CSGALNACT1: variants seen among roughly 807,000 people sequenced by gnomAD.
CSGALNACT1 encodes beta4GalNAcT-1.
In CSGALNACT1, 52 loss-of-function variants were observed where a neutral mutation model predicts 51.0. The ratio of observed to expected loss-of-function variants is 1.02; its 90% CI spans 0.82 to 1.29. The LOEUF (loss-of-function observed/expected upper bound fraction) is 1.29, where lower values mean the gene tolerates loss of function less well. Ranked by LOEUF, CSGALNACT1 falls within the 50% of genes most tolerant of loss-of-function variation. The pLI is 0.00. For missense variants in CSGALNACT1, 935 were observed against 679.2 expected (o/e 1.38, Z -4.19); for synonymous variants, 341 against 254.4 (o/e 1.34, Z -3.24).
At chr8:19,610,543 A>T (rs1211540912) in intron 1 of CSGALNACT1, among the ~76,000 whole-genome samples, 1 of 152,048 alleles carries the variant, frequency 6.6e-6, no homozygotes, top group East Asian at 1.9e-4. Context: ...CGGTGGAGGA[A>T]CACACAGGCG....
chr8:19,633,503 C>T (rs1432944764), intron 1 of CSGALNACT1, among the ~76,000 whole-genome samples: 3 of 152,180 alleles, frequency 2.0e-5, no homozygotes, highest in Admixed American at 2.0e-4. Flanking sequence ...TGAGATAGGG[C>T]AGGTCCTTAA....
intron 1 of CSGALNACT1, among the ~76,000 whole-genome samples, chr8:19,667,144 G>C (rs543166320): frequency 1.9e-4 from 29 of 151,948 alleles, no homozygotes; most frequent in African/African-American, 6.8e-4. Context: ...ATTTCAGCCA[G>C]GTGCACAGGC....
At chr8:19,532,785 C>G (rs750678859) in intron 3 of CSGALNACT1, among the ~76,000 whole-genome samples, 1 of 152,098 alleles carries the variant, frequency 6.6e-6, no homozygotes, top group Non-Finnish European at 1.5e-5. Context: ...GTACAGAGAG[C>G]GAGGAGTCAC....
chr8:19,439,064 G>GC (rs945077774), intron 6 of CSGALNACT1, among the ~76,000 whole-genome samples: 5 of 152,012 alleles, frequency 3.3e-5, no homozygotes, highest in African/African-American at 9.7e-5. Context: ...TACTCAAATT[G>GC]CCCCCCTGCA....
At chr8:19,626,692 G>T (rs1227806074) in intron 1 of CSGALNACT1, among the ~76,000 whole-genome samples, 1 of 152,220 alleles carries the variant, frequency 6.6e-6, no homozygotes, top group Non-Finnish European at 1.5e-5. Flanking sequence ...CTAAGGACTT[G>T]CTTTCAGTAT....
intron 3 of CSGALNACT1, among the ~76,000 whole-genome samples, chr8:19,558,393 A>G (rs1379538074): frequency 6.6e-6 from 1 of 152,064 alleles, no homozygotes; most frequent in Non-Finnish European, 1.5e-5. Context: ...CCTTCTTAAC[A>G]CTATTTTAGA....
chr8:19,619,253 G>GC (rs1263761017), intron 1 of CSGALNACT1, among the ~76,000 whole-genome samples: 4 of 148,242 alleles, frequency 2.7e-5, no homozygotes, highest in African/African-American at 1.0e-4. Flanking sequence ...AGGGTCGGGG[G>GC]GGGGTGGGCC....
intron 3 of CSGALNACT1, among the ~76,000 whole-genome samples, chr8:19,538,536 C>T (rs889221548): frequency 3.3e-5 from 5 of 151,916 alleles, no homozygotes; most frequent in Non-Finnish European, 7.4e-5. Context: ...TCATGTCGAA[C>T]GCAGGATTAA....
chr8:19,670,645 GAAGACAAAA>G (rs1425126122), intron 1 of CSGALNACT1, among the ~76,000 whole-genome samples: 53 of 15,604 alleles, frequency 3.4e-3, no homozygotes, highest in African/African-American at 0.013. Context: ...ATGCACTACT[GAAGACAAAA>G]AAAAAAAAAA....
exon 1 of CSGALNACT1, chr8:19,602,248 C>T (rs2050594387): frequency 6.0e-6 from 1 of 167,460 alleles, no homozygotes; most frequent in Non-Finnish European, 1.3e-5. Flanking sequence ...TGAAGTCACA[C>T]TGGGGTTTCC....
At position 19,726,410 on chromosome 8, in the gene CSGALNACT1, T is replaced by C. The variant is rs184599858; in HGVS notation, c.-297+31440A>G. ...GTTGTGAAATGAAAAAATATTCATT[T>C]TTATGTTTTTGTTTTCATGTTTACT... On this transcript the variant is annotated intron_variant, in intron 1 of 1. Coordinates refer to the CSGALNACT1 transcript ENST00000517494. 3.5e-3 allele frequency among the ~76,000 whole-genome samples: 538 copies of C among 152,344 alleles called. 1 individual carries two copies. Among genetic ancestry groups the C allele is most frequent in the Non-Finnish European group, 6.1e-3 (417 of 68,022 alleles).
chr8:19,507,690 C>T (rs150625708), intron 3 of CSGALNACT1, among the ~76,000 whole-genome samples: 8 of 152,270 alleles, frequency 5.3e-5, no homozygotes, highest in Non-Finnish European at 1.0e-4. Context: ...TGCAGTGGCG[C>T]GATCTCTGCT....
intron 1 of CSGALNACT1, among the ~76,000 whole-genome samples, chr8:19,626,209 G>T (rs1451043041): frequency 6.6e-6 from 1 of 152,174 alleles, no homozygotes; most frequent in Non-Finnish European, 1.5e-5. Flanking sequence ...CATGGTATTT[G>T]CAGAGAAAAA....
chr8:19,439,375 A>G (rs2060928473), intron 6 of CSGALNACT1, among the ~76,000 whole-genome samples: 1 of 152,252 alleles, frequency 6.6e-6, no homozygotes, highest in African/African-American at 2.4e-5. Flanking sequence ...ATGAAAGCCC[A>G]AAGGGTGAGA....
At chr8:19,486,773 T>A (rs572646298) in intron 4 of CSGALNACT1, among the ~76,000 whole-genome samples, 1 of 152,180 alleles carries the variant, frequency 6.6e-6, no homozygotes, top group South Asian at 2.1e-4. Flanking sequence ...TACTCAGCTA[T>A]GGAATTTGCT....
At chr8:19,705,341 A>G (rs1275889716) in intron 1 of CSGALNACT1, among the ~76,000 whole-genome samples, 1 of 152,252 alleles carries the variant, frequency 6.6e-6, no homozygotes, top group Admixed American at 6.5e-5. Flanking sequence ...AACAATTTAA[A>G]TGTTCAATAA....
At chr8:19,484,270 GA>G (rs111462040) in intron 4 of CSGALNACT1, among the ~76,000 whole-genome samples, 22,919 of 151,792 alleles carry the variant, frequency 0.15, 1,846 homozygotes, top group Middle Eastern at 0.23. Context: ...CACCGAATAA[GA>G]AAAAAATCAC....
intron 1 of CSGALNACT1, among the ~76,000 whole-genome samples, chr8:19,611,629 G>A (rs1035786138): frequency 6.6e-6 from 1 of 152,222 alleles, no homozygotes; most frequent in East Asian, 1.9e-4. Flanking sequence ...TGAATGCAGA[G>A]TCGAACTCTT....
intron 3 of CSGALNACT1, among the ~76,000 whole-genome samples, chr8:19,552,280 A>C (rs41332747): frequency 0.17 from 25,424 of 152,182 alleles, 2,208 homozygotes; most frequent in African/African-American, 0.18. Context: ...AAGTGGACTT[A>C]AGATATCACA....
Sources: gnomAD v4.1 joint callset for allele counts (sites outside exome capture counted in the v4.1 genomes callset) on GRCh38, gnomAD v4.1.1 for gene constraint, MANE v1.5 for transcripts, NCBI Gene and HGNC (gene_info 2026-07-23, HGNC 2026-07-21) for gene names.